DOCK1: variants seen among roughly 807,000 people sequenced by gnomAD.
DOCK1 encodes dedicator of cytokinesis 1, also known as dedicator of cytokinesis protein 1.
Under a neutral mutation model 262.7 loss-of-function variants are expected in DOCK1, and 138 were observed. The ratio of observed to expected loss-of-function variants is 0.53; its 90% CI spans 0.46 to 0.61. The LOEUF (loss-of-function observed/expected upper bound fraction) is 0.61. DOCK1 is among the 20% of genes least tolerant of loss of function. The pLI, the probability that DOCK1 is intolerant of heterozygous loss-of-function variation, is 0.00. For synonymous variants in DOCK1, 866 were observed against 867.4 expected, an observed-to-expected ratio of 1.00 and a Z score of 0.03; for missense variants, 1,908 against 2,370.7, an observed-to-expected ratio of 0.80 and a Z score of 4.05.
At chr10:127,357,070 C>T (rs1307784730) in intron 32 of DOCK1, among the ~76,000 whole-genome samples, 1 of 152,142 alleles carries the variant, frequency 6.6e-6, no homozygotes, top group African/African-American at 2.4e-5. Flanking sequence ...TACACAACTG[C>T]AGCCACCATT....
chr10:127,430,029 G>A (rs1330745826), intron 47 of DOCK1, among the ~76,000 whole-genome samples: 1 of 152,160 alleles, frequency 6.6e-6, no homozygotes, highest in Non-Finnish European at 1.5e-5. Flanking sequence ...ACCATGGAGA[G>A]CCATAACCCC....
At chr10:127,372,860 T>G (rs2065280550) in intron 33 of DOCK1, among the ~76,000 whole-genome samples, 1 of 152,144 alleles carries the variant, frequency 6.6e-6, no homozygotes, top group Non-Finnish European at 1.5e-5. Flanking sequence ...CTCATCTTTA[T>G]GGGAATGAAC....
At chr10:126,953,187 G>A (rs1769661790) in intron 1 of DOCK1, among the ~76,000 whole-genome samples, 1 of 151,674 alleles carries the variant, frequency 6.6e-6, no homozygotes, top group Non-Finnish European at 1.5e-5. Context: ...GGCAGCGATG[G>A]CAGTGGAGGT....
At chr10:127,014,102 C>G (rs1053344065) in intron 12 of DOCK1, among the ~76,000 whole-genome samples, 1 of 152,252 alleles carries the variant, frequency 6.6e-6, no homozygotes, top group Non-Finnish European at 1.5e-5. Context: ...GTCTCTTGAG[C>G]TCACCACTTG....
intron 1 of DOCK1, among the ~76,000 whole-genome samples, chr10:126,906,402 C>T (rs2030836554): frequency 6.6e-6 from 1 of 152,198 alleles, no homozygotes; most frequent in Non-Finnish European, 1.5e-5. Context: ...CCGAGGCCTG[C>T]GGACGCCCAC....
chr10:127,105,720 G>A (rs1208278817), intron 23 of DOCK1, among the ~76,000 whole-genome samples: 1 of 152,178 alleles, frequency 6.6e-6, no homozygotes. Flanking sequence ...AGGACAACCT[G>A]TGAGAAGTTA....
At chr10:127,188,562 G>A (rs1843775023) in intron 27 of DOCK1, among the ~76,000 whole-genome samples, 1 of 152,116 alleles carries the variant, frequency 6.6e-6, no homozygotes, top group African/African-American at 2.4e-5. Flanking sequence ...ATTAGAGAGG[G>A]GGTGCTCAAG....
intron 27 of DOCK1, among the ~76,000 whole-genome samples, chr10:127,144,147 C>T (rs2051553437): frequency 6.6e-6 from 1 of 152,178 alleles, no homozygotes; most frequent in Admixed American, 6.5e-5. Context: ...ACAGCTTAGT[C>T]TCCCTCACTC....
chr10:127,136,463 A>G (rs1369485370), intron 27 of DOCK1: 1 of 150,784 alleles, frequency 6.6e-6, no homozygotes, highest in Non-Finnish European at 1.5e-5. Context: ...CAAACTATTC[A>G]AAATTTAAGT....
rs374234146 is a variant in DOCK1 at position 127,153,956 on chromosome 10, G to A, written c.2847+26192G>A. The stretch of plus-strand genomic sequence containing the variant: ...ATAAGAACAGGAGAGCATTACAAGC[G>A]GTGGCTGGGGGTCACTGGCTTTATA... On this transcript the variant is annotated intron_variant, in intron 27 of 51. Transcript: ENST00000623213. 41 of 1,518,820 alleles carry A rather than the reference G, an allele frequency of 2.7e-5. No individual in the cohort carries two copies. The East Asian group carries it at 7.0e-4, about 26-fold the overall frequency. 94.1% of individuals were successfully genotyped at this position (1,518,820 alleles called of 1,614,324 possible).
At chr10:127,407,946 G>T (rs11017917) in intron 40 of DOCK1, among the ~76,000 whole-genome samples, 3 of 152,210 alleles carry the variant, frequency 2.0e-5, no homozygotes, top group Non-Finnish European at 2.9e-5. Context: ...CAGGATGGGT[G>T]GGGGGAGGCA....
intron 23 of DOCK1, among the ~76,000 whole-genome samples, chr10:127,063,831 A>G (rs9418822): frequency 0.63 from 96,225 of 152,002 alleles, 31,139 homozygotes; most frequent in South Asian, 0.72. Flanking sequence ...CGGGAAGACC[A>G]TGCTTCAGTG....
chr10:127,247,256 T>A (rs2059462117), intron 27 of DOCK1, among the ~76,000 whole-genome samples: 1 of 152,168 alleles, frequency 6.6e-6, no homozygotes, highest in Non-Finnish European at 1.5e-5. Context: ...TCTTTTTTCC[T>A]CCTTCTTTTC....
intron 6 of DOCK1, among the ~76,000 whole-genome samples, chr10:126,991,183 C>T (rs570253535): frequency 6.6e-6 from 1 of 152,328 alleles, no homozygotes; most frequent in Non-Finnish European, 1.5e-5. Context: ...ATCCCCCCAG[C>T]TCTGCATGAG....
intron 38 of DOCK1, among the ~76,000 whole-genome samples, chr10:127,386,783 T>G (rs1283071112): frequency 6.6e-6 from 1 of 152,146 alleles, no homozygotes; most frequent in African/African-American, 2.4e-5. Context: ...CCCCGGTCCA[T>G]GGAAAAATTT....
chr10:127,270,989 A>ATG (rs745849449), intron 29 of DOCK1, among the ~76,000 whole-genome samples: 29 of 112,846 alleles, frequency 2.6e-4, no homozygotes, highest in African/African-American at 4.8e-4. Flanking sequence ...CAAAAGTTAT[A>ATG]TATGTGTGTA....
At position 127,041,696 on chromosome 10, in the gene DOCK1, A is replaced by G. The variant is rs572165764; in HGVS notation, c.2011-929A>G. Among the ~76,000 whole-genome samples the G allele has an allele frequency of 1.2e-4, 18 of 152,312 alleles. 1 individual carries two copies. The South Asian group carries it at 2.7e-3, about 23-fold the overall frequency. ...CTACCAGCAGTGTGCAAGGTCTCCA[A>G]TTTCTCTGCGTTCTTGCCCACTTCT... On this transcript the variant is annotated intron_variant, in intron 19 of 51. Coordinates refer to ENST00000623213, the MANE Select transcript of DOCK1 (RefSeq NM_001290223.2).
At chr10:127,114,046 G>A (rs1309668390) in intron 25 of DOCK1, among the ~76,000 whole-genome samples, 2 of 152,178 alleles carry the variant, frequency 1.3e-5, no homozygotes, top group African/African-American at 2.4e-5. Flanking sequence ...GCCTGTGATT[G>A]CCCTGCTTAA....
intron 27 of DOCK1, among the ~76,000 whole-genome samples, chr10:127,201,648 G>A (rs1203064467): frequency 1.3e-5 from 2 of 152,138 alleles, no homozygotes; most frequent in Non-Finnish European, 2.9e-5. Context: ...TGATGTATGG[G>A]AATAAGGAAG....
Sources: allele counts gnomAD v4.1 joint callset (sites outside exome capture counted in the v4.1 genomes callset), GRCh38; gene constraint gnomAD v4.1.1; transcripts MANE v1.5; gene names NCBI Gene and HGNC (gene_info 2026-07-23, HGNC 2026-07-21).